The following COA8 variants were observed in gnomAD, a reference collection of about 807,000 sequenced individuals.
COA8 encodes the protein UPF0671 protein C14orf153.
COA8 carries 20 observed loss-of-function variants against 22.0 expected under a neutral mutation model. The observed-to-expected ratio is 0.91, with a 90% confidence interval of 0.64 to 1.32. COA8 has a LOEUF of 1.32. Ranked by LOEUF, COA8 falls within the 40% of genes most tolerant of loss-of-function variation. The pLI is 0.00. For missense variants in COA8, 266 were observed against 230.0 expected (o/e 1.16, Z -1.01); for synonymous variants, 105 against 79.9 (o/e 1.31, Z -1.68).
At chr14:103,576,793 G>A (rs2076233396) in intron 3 of COA8, among the ~76,000 whole-genome samples, 1 of 152,232 alleles carries the variant, frequency 6.6e-6, no homozygotes, top group Non-Finnish European at 1.5e-5. Context: ...GATTAGCTGA[G>A]GCAGAGGTGG....
intron 3 of COA8, among the ~76,000 whole-genome samples, chr14:103,584,893 A>G (rs1339891607): frequency 6.6e-6 from 1 of 152,008 alleles, no homozygotes; most frequent in Non-Finnish European, 1.5e-5. Flanking sequence ...TAATCCCAGC[A>G]CTCTGGGAGG....
At chr14:103,566,203 C>T (rs1250819431) in intron 1 of COA8, among the ~76,000 whole-genome samples, 1 of 151,782 alleles carries the variant, frequency 6.6e-6, no homozygotes, top group Non-Finnish European at 1.5e-5. Context: ...AGGCAGATCA[C>T]CTGAGGTCAG....
intron 3 of COA8, chr14:103,579,362 T>C: frequency 4.3e-6 from 1 of 231,250 alleles, no homozygotes; most frequent in Non-Finnish European, 8.8e-6. Flanking sequence ...TACAATTTTT[T>C]CTTTTTAGAT....
chr14:103,583,947 C>G (rs2076287018), intron 3 of COA8, among the ~76,000 whole-genome samples: 1 of 152,260 alleles, frequency 6.6e-6, no homozygotes, highest in Admixed American at 6.5e-5. Context: ...AACTCAGGGA[C>G]AGCCAGATAG....
intron 1 of COA8, among the ~76,000 whole-genome samples, chr14:103,568,471 A>G (rs1410496147): frequency 6.6e-6 from 1 of 151,992 alleles, no homozygotes; most frequent in Non-Finnish European, 1.5e-5. Flanking sequence ...ATACATACAC[A>G]CACACATATA....
intron 3 of COA8, among the ~76,000 whole-genome samples, chr14:103,578,244 T>C (rs958576762): frequency 6.6e-6 from 1 of 152,062 alleles, no homozygotes; most frequent in Non-Finnish European, 1.5e-5. Context: ...TGTGTGTTCC[T>C]TGCAGCACAA....
intron 4 of COA8, 85 bp downstream of exon 4, chr14:103,587,449 C>A: frequency 6.6e-6 from 5 of 759,478 alleles, no homozygotes; most frequent in East Asian, 5.8e-5. Flanking sequence ...TAACAACATT[C>A]ATGTTTATAT....
Position 103,576,831 on chromosome 14 carries a change from C to T in COA8, c.385+2661C>T, listed in dbSNP as rs2142291417. 2.0e-5 allele frequency among the ~76,000 whole-genome samples: 3 copies of T among 152,260 alleles called. No individual in the cohort carries two copies. The South Asian group carries it at 6.2e-4, about 32-fold the overall frequency. ...CTTGTGCAGAGAGCCTGGCTGCTGC[C>T]ATGGAGACGGGAGGAAGCAGGCAAA... On this transcript the variant is annotated intron_variant, in intron 3 of 4. Coordinates refer to ENST00000409074, the MANE Select transcript of COA8 (RefSeq NM_001370595.2).
At chr14:103,572,183 A>G (rs1375863476) in intron 2 of COA8, among the ~76,000 whole-genome samples, 1 of 151,938 alleles carries the variant, frequency 6.6e-6, no homozygotes, top group Non-Finnish European at 1.5e-5. Flanking sequence ...ACAGTTGGCC[A>G]CTTGAGGGTG....
At position 103,565,295 on chromosome 14, in the gene COA8, T is replaced by TA. The variant is rs2076127886; in HGVS notation, c.123+2173dup. On this transcript the variant is annotated intron_variant, in intron 1 of 4. Coordinates refer to ENST00000409074, the MANE Select transcript of COA8 (RefSeq NM_001370595.2). Reference sequence around the variant, plus strand: ...TTTAATTGAAAAATATTATAGAACTTAAGAGTCAGGCACCATTCTTCCTTC... The same window carrying TA: ...TTTAATTGAAAAATATTATAGAACTTAAAGAGTCAGGCACCATTCTTCCTTC... Among the ~76,000 whole-genome samples, 8 of 152,178 alleles carry TA rather than the reference T, an allele frequency of 5.3e-5. No homozygotes were observed. In the South Asian group the frequency reaches 1.7e-3, roughly 32 times the overall value.
intron 3 of COA8, 89 bp downstream of exon 3, chr14:103,574,259 G>A (rs748672371): frequency 1.9e-6 from 3 of 1,567,516 alleles, no homozygotes; most frequent in Non-Finnish European, 2.6e-6. Context: ...GAGAGAGGTG[G>A]GGAAGTTCAG....
rs1176795225 is a variant in COA8 at position 103,562,969 on chromosome 14, C to T, written c.-33C>T. 1 of 1,512,012 alleles carries T rather than the reference C, an allele frequency of 6.6e-7. No individual in the cohort carries two copies. The highest frequency in any genetic ancestry group is 2.4e-5 in the East Asian group (1 of 40,882). 93.7% of individuals were successfully genotyped at this position (1,512,012 alleles called of 1,614,324 possible). A position where few individuals can be genotyped will look rare whatever the true frequency, so the allele number is the denominator to read the frequency against. ...GGCCCCTCGCGCCGTCGCAATGCTG[C>T]CGTGCGCCGCGGGAGCCAGGGGGCG... On this transcript the variant is annotated 5_prime_UTR_variant, in exon 1 of 5. Transcript: ENST00000409074.
In COA8 at chr14:103,590,453, C is replaced by A; in HGVS notation, c.*167C>A. On this transcript the variant is annotated 3_prime_UTR_variant, in exon 5 of 5. Transcript: ENST00000409074. ...GGGTAGGTCCTGGGGCACTGTGGGC[C>A]GCCTGCCTGCTGATGTGGGCTCTAG... 1.7e-6 allele frequency: 1 copy of A among 592,108 alleles called. No individual in the cohort carries two copies. The allele number at this position is 592,108 out of a possible 1,614,324, so 36.7% of individuals were successfully genotyped here.
intron 3 of COA8, among the ~76,000 whole-genome samples, chr14:103,575,345 A>T (rs1194365157): frequency 6.6e-6 from 1 of 152,228 alleles, no homozygotes; most frequent in Non-Finnish European, 1.5e-5. Context: ...GGCTTTGCTG[A>T]GTATTGAAAG....
intron 3 of COA8, chr14:103,574,390 G>A (rs1363614957): frequency 1.4e-6 from 1 of 706,192 alleles, no homozygotes; most frequent in East Asian, 2.9e-5. Flanking sequence ...CGGATTTTAG[G>A]TGGTTATGAT....
chr14:103,582,630 T>G (rs1448277479), intron 3 of COA8, among the ~76,000 whole-genome samples: 1 of 152,146 alleles, frequency 6.6e-6, no homozygotes, highest in Non-Finnish European at 1.5e-5. Flanking sequence ...AACCCGTCAC[T>G]CGTTGTGTAT....
chr14:103,564,378 G>C (rs1363340504), intron 1 of COA8, among the ~76,000 whole-genome samples: 1 of 152,006 alleles, frequency 6.6e-6, no homozygotes, highest in Non-Finnish European at 1.5e-5. Context: ...CTAGAACATA[G>C]AAACCCACCC....
chr14:103,564,010 G>C (rs906541681), intron 1 of COA8, among the ~76,000 whole-genome samples: 1 of 152,048 alleles, frequency 6.6e-6, no homozygotes, highest in East Asian at 1.9e-4. Flanking sequence ...GAAATTAGCT[G>C]GGCATAGTGG....
chr14:103,569,281 C>T (rs1308521512), intron 1 of COA8, among the ~76,000 whole-genome samples: 3 of 152,088 alleles, frequency 2.0e-5, no homozygotes, highest in Admixed American at 6.6e-5. Flanking sequence ...GTAGCTCCTC[C>T]GTGAATAAAG....
Sources: allele counts gnomAD v4.1 joint callset (sites outside exome capture counted in the v4.1 genomes callset), GRCh38; gene constraint gnomAD v4.1.1; transcripts MANE v1.5; gene names NCBI Gene and HGNC (gene_info 2026-07-23, HGNC 2026-07-21).